DAB1: variants seen among roughly 807,000 people sequenced by gnomAD.
DAB1 encodes the protein DAB adaptor protein 1.
In DAB1, 15 loss-of-function variants were observed where a neutral mutation model predicts 64.6. The ratio of observed to expected loss-of-function variants is 0.23; its 90% CI spans 0.16 to 0.36. The LOEUF is 0.36. Among genes scored for constraint, DAB1 ranks in the 10% least tolerant of loss-of-function variants. The pLI is 1.00. For synonymous variants in DAB1, 235 were observed against 251.9 expected (o/e 0.93, Z 0.64); for missense variants, 596 against 706.7 (o/e 0.84, Z 1.78).
chr1:58,144,105 C>T (rs377011040), intron 5 of DAB1, among the ~76,000 whole-genome samples: 8 of 152,136 alleles, frequency 5.3e-5, no homozygotes, highest in South Asian at 4.2e-4. Context: ...TTCATTTAGA[C>T]GGGAACTACC....
At chr1:58,204,436 A>T (rs1048407614) in intron 4 of DAB1, among the ~76,000 whole-genome samples, 1 of 152,214 alleles carries the variant, frequency 6.6e-6, no homozygotes, top group Non-Finnish European at 1.5e-5. Context: ...GTTATGGCAC[A>T]AAAATTTTAA....
chr1:57,068,678 C>G (rs1651160517), intron 8 of DAB1, among the ~76,000 whole-genome samples: 1 of 152,164 alleles, frequency 6.6e-6, no homozygotes, highest in South Asian at 2.1e-4. Flanking sequence ...TACACAGACA[C>G]TTTGGTGGAA....
At chr1:57,038,243 A>G in intron 9 of DAB1, among the ~76,000 whole-genome samples, 1 of 152,216 alleles carries the variant, frequency 6.6e-6, no homozygotes, top group East Asian at 1.9e-4. Flanking sequence ...CTATGTCTAG[A>G]CAGTACCATG....
chr1:57,131,719 GCA>G (rs1657664130), intron 4 of DAB1, among the ~76,000 whole-genome samples: 1 of 152,162 alleles, frequency 6.6e-6, no homozygotes, highest in African/African-American at 2.4e-5. Context: ...AAATTTAAGT[GCA>G]GTTATTGTAT....
intron 1 of DAB1, among the ~76,000 whole-genome samples, chr1:57,868,329 C>A (rs1654392113): frequency 6.6e-6 from 1 of 152,146 alleles, no homozygotes; most frequent in Non-Finnish European, 1.5e-5. Flanking sequence ...ATTGCTTAAG[C>A]AACTAGACTG....
chr1:58,025,651 G>GTGTATATATATATA (rs1264790564), intron 5 of DAB1, among the ~76,000 whole-genome samples: 37 of 75,282 alleles, frequency 4.9e-4, no homozygotes, highest in Non-Finnish European at 6.8e-4. Flanking sequence ...ATATATGTGT[G>GTGTATATATATATA]TATATATATA....
intron 7 of DAB1, among the ~76,000 whole-genome samples, chr1:57,588,574 A>G (rs111453945): frequency 1.6e-4 from 24 of 152,340 alleles, no homozygotes; most frequent in African/African-American, 5.8e-4. Context: ...ATCTGCTTAC[A>G]TTAGGGAAAA....
chr1:58,157,085 C>T (rs957754892), intron 4 of DAB1, among the ~76,000 whole-genome samples: 6 of 152,250 alleles, frequency 3.9e-5, no homozygotes, highest in East Asian at 1.9e-4. Context: ...AAGCATCCCA[C>T]GTCACCTGCA....
intron 7 of DAB1, among the ~76,000 whole-genome samples, chr1:57,561,002 AT>A (rs1645043897): frequency 6.6e-6 from 1 of 152,224 alleles, no homozygotes; most frequent in African/African-American, 2.4e-5. Flanking sequence ...AAAGTGGGTC[AT>A]GCACAGCAGC....
intron 7 of DAB1, among the ~76,000 whole-genome samples, chr1:57,564,601 G>A (rs1019032290): frequency 1.3e-5 from 2 of 152,182 alleles, no homozygotes; most frequent in Admixed American, 1.3e-4. Flanking sequence ...ACCTGACGGA[G>A]CTGAAAACCA....
intron 2 of DAB1, among the ~76,000 whole-genome samples, chr1:57,229,042 A>G (rs1667477331): frequency 6.6e-6 from 1 of 152,222 alleles, no homozygotes; most frequent in Non-Finnish European, 1.5e-5. Flanking sequence ...CACCTAAAGT[A>G]CATTTCATTT....
intron 4 of DAB1, among the ~76,000 whole-genome samples, chr1:57,095,963 G>A (rs1247130484): frequency 6.6e-6 from 1 of 152,168 alleles, no homozygotes; most frequent in Non-Finnish European, 1.5e-5. Flanking sequence ...CAACAATAAG[G>A]ATAAAGATGA....
chr1:58,416,380 T>C (rs1377478580), intron 3 of DAB1, among the ~76,000 whole-genome samples: 1 of 152,122 alleles, frequency 6.6e-6, no homozygotes, highest in Non-Finnish European at 1.5e-5. Flanking sequence ...CTAATGATGA[T>C]GGTGATAGCA....
At chr1:57,603,828 T>TG (rs1343649891) in intron 7 of DAB1, among the ~76,000 whole-genome samples, 1 of 152,170 alleles carries the variant, frequency 6.6e-6, no homozygotes, top group African/African-American at 2.4e-5. Context: ...TCAAAGTGGT[T>TG]TAGCACTGCT....
At chr1:57,314,769 A>C (rs112155754) in intron 1 of DAB1, among the ~76,000 whole-genome samples, 7 of 150,792 alleles carry the variant, frequency 4.6e-5, no homozygotes, top group South Asian at 2.1e-4. Flanking sequence ...AAAAACACAA[A>C]ACACACACAC....
At chr1:57,122,217 GCT>G (rs1656729575) in intron 4 of DAB1, among the ~76,000 whole-genome samples, 1 of 152,172 alleles carries the variant, frequency 6.6e-6, no homozygotes, top group Non-Finnish European at 1.5e-5. Flanking sequence ...TTACTCGGCT[GCT>G]AGATTATGAA....
chr1:57,400,203 G>T (rs1025172378), intron 1 of DAB1, among the ~76,000 whole-genome samples: 1 of 152,250 alleles, frequency 6.6e-6, no homozygotes, highest in Non-Finnish European at 1.5e-5. Flanking sequence ...CAGAGTGTCT[G>T]CAAGTCCATG....
intron 9 of DAB1, among the ~76,000 whole-genome samples, chr1:57,047,979 G>C (rs571224975): frequency 7.2e-5 from 11 of 152,116 alleles, no homozygotes; most frequent in Non-Finnish European, 1.3e-4. Context: ...TAATAACTCT[G>C]GCTGACATTT....
At chr1:57,905,144 A>G (rs1446324165) in intron 5 of DAB1, among the ~76,000 whole-genome samples, 3 of 152,030 alleles carry the variant, frequency 2.0e-5, no homozygotes, top group African/African-American at 7.2e-5. Flanking sequence ...GAGGCAAAAA[A>G]ACTTGCCCAA....
Sources: allele counts gnomAD v4.1 joint callset (sites outside exome capture counted in the v4.1 genomes callset), GRCh38; gene constraint gnomAD v4.1.1; transcripts MANE v1.5; gene names NCBI Gene and HGNC (gene_info 2026-07-23, HGNC 2026-07-21).